ADAMTS16: variants seen among roughly 807,000 people sequenced by gnomAD.
ADAMTS16 encodes A disintegrin and metalloproteinase with thrombospondin motifs 16.
ADAMTS16 carries 94 observed loss-of-function variants against 145.8 expected under a neutral mutation model. The ratio of observed to expected loss-of-function variants is 0.64; its 90% CI spans 0.55 to 0.77. The LOEUF (loss-of-function observed/expected upper bound fraction) is 0.77, where lower values mean the gene tolerates loss of function less well. ADAMTS16 is among the 30% of genes least tolerant of loss of function. ADAMTS16 has a pLI of 0.00. For synonymous variants in ADAMTS16, 659 were observed against 604.3 expected (o/e 1.09, Z -1.33); for missense variants, 1,585 against 1,591.5 (o/e 1.00, Z 0.07).
chr5:5,209,847 C>G (rs964795970), intron 10 of ADAMTS16, among the ~76,000 whole-genome samples: 2 of 152,082 alleles, frequency 1.3e-5, no homozygotes, highest in Admixed American at 6.6e-5. Flanking sequence ...ACAGGAAAAG[C>G]TACCCATAAA....
chr5:5,223,138 A>G lies in ADAMTS16; in HGVS notation c.1701+254A>G, dbSNP rs6871256. 1.2e-3 allele frequency: 593 copies of G among 494,010 alleles called. 2 individuals are homozygous for G. Among genetic ancestry groups the G allele is most frequent in the African/African-American group, 7.0e-3 (365 of 52,122 alleles). The allele number at this position is 494,010 out of a possible 1,614,324, so 30.6% of individuals were successfully genotyped here. A position where few individuals can be genotyped will look rare whatever the true frequency, so the allele number is the denominator to read the frequency against. ...TAGAAATCAGACAACAGGTGATGAC[A>G]GATTCAGTCTATTGAGGGGAAACAT... On this transcript the variant is annotated intron_variant, in intron 11 of 22. Transcript: ENST00000274181.
intron 18 of ADAMTS16, among the ~76,000 whole-genome samples, chr5:5,278,043 T>C (rs966520139): frequency 1.3e-5 from 2 of 152,196 alleles, no homozygotes; most frequent in African/African-American, 4.8e-5. Context: ...ATTGTTAAAA[T>C]TGAACATTTA....
chr5:5,262,311 A>C (rs1416945501), intron 17 of ADAMTS16, among the ~76,000 whole-genome samples: 4 of 152,358 alleles, frequency 2.6e-5, no homozygotes, highest in East Asian at 3.9e-4. Context: ...GTTTCTGCTG[A>C]AAATCCACTG....
chr5:5,156,379 C>A (rs1734603204), intron 3 of ADAMTS16, among the ~76,000 whole-genome samples: 1 of 152,076 alleles, frequency 6.6e-6, no homozygotes, highest in Non-Finnish European at 1.5e-5. Context: ...ATGATTTTTG[C>A]AATGGAGGAA....
At chr5:5,199,674 T>C (rs1428027) in intron 8 of ADAMTS16, among the ~76,000 whole-genome samples, 140,239 of 152,286 alleles carry the variant, frequency 0.92, 64,684 homozygotes, top group African/African-American at 0.98. Context: ...GCCTGGGGAG[T>C]TTGTTTGGAC....
intron 20 of ADAMTS16, among the ~76,000 whole-genome samples, chr5:5,306,036 T>C (rs1486441508): frequency 6.6e-6 from 1 of 152,196 alleles, no homozygotes; most frequent in Non-Finnish European, 1.5e-5. Flanking sequence ...GCACGCTTCC[T>C]TTCCTCGCAG....
Position 5,140,435 on chromosome 5 carries a change from C to G in ADAMTS16, c.-33C>G. On this transcript the variant is annotated 5_prime_UTR_variant, in exon 1 of 23. Transcript: ENST00000274181. ...TCGCACGCTGCCGGCCGGGGACCCT[C>G]CGGTGGCCCCTAGCCCCTCGGAGCG... is the stretch of plus-strand genomic sequence containing the variant. The G allele has an allele frequency of 6.7e-7, 1 of 1,491,926 alleles. No homozygotes were observed. The highest frequency in any genetic ancestry group is 1.2e-5 in the South Asian group (1 of 80,130). 92.4% of individuals were successfully genotyped at this position (1,491,926 alleles called of 1,614,324 possible).
intron 18 of ADAMTS16, among the ~76,000 whole-genome samples, chr5:5,291,950 A>G (rs1461561506): frequency 1.3e-5 from 2 of 152,224 alleles, no homozygotes; most frequent in African/African-American, 4.8e-5. Flanking sequence ...TCAACTGGTC[A>G]ACAAATGTTT....
At chr5:5,195,331 G>A (rs1418350475) in intron 8 of ADAMTS16, among the ~76,000 whole-genome samples, 1 of 152,196 alleles carries the variant, frequency 6.6e-6, no homozygotes, top group Admixed American at 6.5e-5. Context: ...ACCAAGGGCT[G>A]AACTGCGCAT....
At chr5:5,174,862 C>G (rs1470632045) in intron 3 of ADAMTS16, among the ~76,000 whole-genome samples, 1 of 152,182 alleles carries the variant, frequency 6.6e-6, no homozygotes, top group African/African-American at 2.4e-5. Flanking sequence ...AATGCTCATT[C>G]AAGGCCCAAG....
intron 8 of ADAMTS16, among the ~76,000 whole-genome samples, chr5:5,196,560 T>G (rs181106266): frequency 6.6e-6 from 1 of 152,328 alleles, no homozygotes; most frequent in Non-Finnish European, 1.5e-5. Flanking sequence ...TTACCAATTT[T>G]ATTTGTTGTC....
intron 4 of ADAMTS16, 41 bp downstream of exon 4, chr5:5,182,346 A>G (rs1381304370): frequency 1.9e-6 from 3 of 1,578,456 alleles, no homozygotes; most frequent in East Asian, 4.5e-5. Context: ...AGTGATGCTG[A>G]CATTTATGTA....
Position 5,236,951 on chromosome 5 carries a change from T to C in ADAMTS16, c.2024-18T>C. 6.2e-7 allele frequency: 1 copy of C among 1,600,338 alleles called. No individual in the cohort carries two copies. Among genetic ancestry groups the C allele is most frequent in the South Asian group, 1.1e-5 (1 of 88,954 alleles). On this transcript the variant is annotated intron_variant, in intron 13 of 22. Coordinates refer to ENST00000274181, the MANE Select transcript of ADAMTS16 (RefSeq NM_139056.4). The stretch of plus-strand genomic sequence containing the variant: ...AGTATTTTTCTTATTTGTGTTTGTG[T>C]GTGTATTTCTTTTTAAGATCAGGAC...
intron 18 of ADAMTS16, among the ~76,000 whole-genome samples, chr5:5,283,569 C>T (rs1321615646): frequency 6.6e-6 from 1 of 151,608 alleles, no homozygotes; most frequent in African/African-American, 2.4e-5. Context: ...TTGGCCTTGT[C>T]CAGTCACACA....
intron 18 of ADAMTS16, among the ~76,000 whole-genome samples, chr5:5,272,362 T>A (rs1223334459): frequency 2.1e-4 from 26 of 123,760 alleles, no homozygotes; most frequent in African/African-American, 9.1e-4. Flanking sequence ...TCCAAAGGAT[T>A]TTTTTTTTTT....
At chr5:5,163,349 T>C (rs1037171347) in intron 3 of ADAMTS16, among the ~76,000 whole-genome samples, 1 of 152,262 alleles carries the variant, frequency 6.6e-6, no homozygotes, top group Non-Finnish European at 1.5e-5. Context: ...CCAAGTCTCA[T>C]CTGAATTGTG....
chr5:5,214,382 C>A (rs1736366371), intron 10 of ADAMTS16, among the ~76,000 whole-genome samples: 1 of 152,046 alleles, frequency 6.6e-6, no homozygotes, highest in African/African-American at 2.4e-5. Flanking sequence ...TTAACACAAA[C>A]TTTATGTATT....
chr5:5,240,036 A>T (rs7708118), intron 16 of ADAMTS16, 111 bp downstream of exon 16: 1 of 1,485,822 alleles, frequency 6.7e-7, no homozygotes, highest in Non-Finnish European at 9.0e-7. Context: ...AGTTATAAAA[A>T]GAGTGATCCA....
intron 18 of ADAMTS16, among the ~76,000 whole-genome samples, chr5:5,272,372 T>C (rs1156323852): frequency 6.7e-6 from 1 of 149,554 alleles, no homozygotes; most frequent in Admixed American, 6.7e-5. Context: ...TTTTTTTTTT[T>C]TTTTTTTGAG....
Sources: allele counts gnomAD v4.1 joint callset (sites outside exome capture counted in the v4.1 genomes callset), GRCh38; gene constraint gnomAD v4.1.1; transcripts MANE v1.5; gene names NCBI Gene and HGNC (gene_info 2026-07-23, HGNC 2026-07-21).